The following SEMA6D variants were observed in gnomAD, a reference collection of about 807,000 sequenced individuals.
SEMA6D encodes the protein semaphorin-6D.
Under a neutral mutation model 106.6 loss-of-function variants are expected in SEMA6D, and 35 were observed. The observed-to-expected ratio is 0.33, with a 90% CI of 0.25 to 0.44. The LOEUF (loss-of-function observed/expected upper bound fraction) is 0.44. Ranked by LOEUF, SEMA6D falls within the 20% of genes least tolerant of loss-of-function variation. The probability of loss-of-function intolerance (pLI) is 1.00; values close to 1 mark genes in which losing one functional copy is unlikely to be tolerated. For missense variants in SEMA6D, 1,185 were observed against 1,345.9 expected (o/e 0.88, Z 1.87); for synonymous variants, 499 against 487.7 (o/e 1.02, Z -0.31).
intron 1 of SEMA6D, among the ~76,000 whole-genome samples, chr15:47,263,105 C>T (rs1261679381): frequency 6.6e-6 from 1 of 152,020 alleles, no homozygotes; most frequent in African/African-American, 2.4e-5. Flanking sequence ...TGGAAGATAA[C>T]CTAGGCAATA....
chr15:47,702,909 G>A (rs1027119355), intron 4 of SEMA6D, among the ~76,000 whole-genome samples: 5 of 151,982 alleles, frequency 3.3e-5, no homozygotes, highest in Admixed American at 6.6e-5. Flanking sequence ...CAGTGGAACT[G>A]CTCTGTATAA....
intron 1 of SEMA6D, among the ~76,000 whole-genome samples, chr15:47,267,078 T>G (rs1473381202): frequency 6.6e-6 from 1 of 152,150 alleles, no homozygotes; most frequent in Non-Finnish European, 1.5e-5. Flanking sequence ...TCATTTTGCT[T>G]TACGCCTTGG....
intron 1 of SEMA6D, among the ~76,000 whole-genome samples, chr15:47,289,450 GT>G (rs2035511073): frequency 6.9e-6 from 1 of 144,848 alleles, no homozygotes. Flanking sequence ...CAGCATATTT[GT>G]TTTTCAGTAT....
At chr15:47,248,617 T>A (rs2033332489) in intron 1 of SEMA6D, among the ~76,000 whole-genome samples, 1 of 152,258 alleles carries the variant, frequency 6.6e-6, no homozygotes, top group African/African-American at 2.4e-5. Context: ...ATGATTAAAA[T>A]TTTAATGACA....
In SEMA6D at chr15:47,770,768, T is replaced by C. The variant is rs1165862956; in HGVS notation, c.2205T>C (p.Pro735=). ...VKEYQQNIDS[P]KLYSNLLTSR... is the part of the protein sequence containing the mutation. ...AATACCAACAGAATATTGATTCTCC[T>C]AAACTGTATAGTAACCTGCTAACCA... Residue 735 remains proline, a synonymous_variant, in exon 19 of 19, where the codon CCT becomes CCC. Transcript: ENST00000536845. 2 of 1,614,124 alleles carry C rather than the reference T, an allele frequency of 1.2e-6. No homozygotes were observed. The highest frequency in any genetic ancestry group is 2.2e-5 in the East Asian group (1 of 44,858).
At chr15:47,638,546 C>T (rs1216968617) in intron 4 of SEMA6D, among the ~76,000 whole-genome samples, 1 of 152,118 alleles carries the variant, frequency 6.6e-6, no homozygotes, top group Non-Finnish European at 1.5e-5. Context: ...TGACAATAAT[C>T]AGATGATAAT....
At chr15:47,506,931 C>T (rs1209564345) in intron 3 of SEMA6D, among the ~76,000 whole-genome samples, 1 of 151,778 alleles carries the variant, frequency 6.6e-6, no homozygotes, top group African/African-American at 2.4e-5. Flanking sequence ...TCTTTCAAGT[C>T]AGGCTTTAGG....
In SEMA6D at chr15:47,367,690, GCGCACA is replaced by G. The variant is rs1371214693; in HGVS notation, c.-238-44701_-238-44696del. ...CACGCACGCTCACACGCGCGCGCGCGCGCACACACACACACACACACACACACACAC... is the reference window on the plus strand; with the variant it reads ...CACGCACGCTCACACGCGCGCGCGCGCACACACACACACACACACACACAC... On this transcript the variant is annotated intron_variant, in intron 1 of 19. Coordinates refer to the SEMA6D transcript ENST00000558014. 9.2e-5 allele frequency among the ~76,000 whole-genome samples: 4 copies of G among 43,554 alleles called. 1 individual carries two copies. The highest frequency in any genetic ancestry group is 1.1e-3 in the South Asian group (1 of 940). The allele number at this position is 43,554 out of a possible 152,430, so 28.6% of individuals were successfully genotyped here.
intron 1 of SEMA6D, among the ~76,000 whole-genome samples, chr15:47,197,963 G>A (rs908596850): frequency 6.6e-6 from 1 of 151,470 alleles, no homozygotes; most frequent in Admixed American, 6.6e-5. Flanking sequence ...GGAGTCAAAA[G>A]GCTTACTGTC....
chr15:47,597,372 A>G (rs2076558180), intron 3 of SEMA6D, among the ~76,000 whole-genome samples: 1 of 152,124 alleles, frequency 6.6e-6, no homozygotes, highest in East Asian at 1.9e-4. Context: ...CTGGGTAGGT[A>G]GTCTAGGACT....
chr15:47,485,432 C>A (rs758680571), intron 3 of SEMA6D, among the ~76,000 whole-genome samples: 26 of 149,544 alleles, frequency 1.7e-4, no homozygotes, highest in East Asian at 3.9e-4. Flanking sequence ...CACCCCCATT[C>A]AAAAAAAAAT....
intron 1 of SEMA6D, among the ~76,000 whole-genome samples, chr15:47,220,139 G>A (rs62013970): frequency 0.012 from 1,849 of 152,272 alleles, 42 homozygotes; most frequent in Admixed American, 0.012. Context: ...ATTCTAGCCA[G>A]AGGAAGTGGA....
intron 4 of SEMA6D, among the ~76,000 whole-genome samples, chr15:47,640,809 C>T (rs2077475200): frequency 6.6e-6 from 1 of 151,770 alleles, no homozygotes; most frequent in Non-Finnish European, 1.5e-5. Flanking sequence ...ATGATATTAA[C>T]GTTAAATATG....
intron 4 of SEMA6D, among the ~76,000 whole-genome samples, chr15:47,647,699 A>T (rs2077606865): frequency 6.6e-6 from 1 of 150,662 alleles, no homozygotes; most frequent in Non-Finnish European, 1.5e-5. Flanking sequence ...TACAACAGGC[A>T]TGCCCAATTC....
chr15:47,249,386 C>T (rs567789502), intron 1 of SEMA6D, among the ~76,000 whole-genome samples: 3 of 152,040 alleles, frequency 2.0e-5, no homozygotes, highest in Admixed American at 6.6e-5. Flanking sequence ...TGCAGGGCTC[C>T]GTGTTAGGCC....
intron 1 of SEMA6D, among the ~76,000 whole-genome samples, chr15:47,343,964 G>GA (rs1285721548): frequency 2.0e-5 from 3 of 152,076 alleles, no homozygotes; most frequent in Non-Finnish European, 4.4e-5. Context: ...TTATGCAGCT[G>GA]AAAAACACAT....
intron 4 of SEMA6D, among the ~76,000 whole-genome samples, chr15:47,689,689 T>C (rs2078544011): frequency 6.6e-6 from 1 of 152,178 alleles, no homozygotes; most frequent in African/African-American, 2.4e-5. Flanking sequence ...AATCCTAATT[T>C]TCTCTGGCCC....
chr15:47,449,521 G>A (rs555672147), intron 2 of SEMA6D, among the ~76,000 whole-genome samples: 8 of 152,142 alleles, frequency 5.3e-5, no homozygotes, highest in African/African-American at 1.9e-4. Flanking sequence ...CCTTGAACCT[G>A]GATGACCCAG....
At chr15:47,343,174 T>A (rs1595774794) in intron 1 of SEMA6D, among the ~76,000 whole-genome samples, 1 of 151,986 alleles carries the variant, frequency 6.6e-6, no homozygotes, top group Non-Finnish European at 1.5e-5. Flanking sequence ...AGTCTTCAGT[T>A]TTTTTGCCAC....
Sources: gnomAD v4.1 joint callset for allele counts (sites outside exome capture counted in the v4.1 genomes callset) on GRCh38, gnomAD v4.1.1 for gene constraint, MANE v1.5 for transcripts, NCBI Gene and HGNC (gene_info 2026-07-23, HGNC 2026-07-21) for gene names.